Variants in NDFIP2 observed in about 807,000 individuals in gnomAD.
NDFIP2 encodes NEDD4 family-interacting protein 2.
A neutral mutation model predicts 36.0 loss-of-function variants in NDFIP2; 19 were observed. The ratio of observed to expected loss-of-function variants is 0.53; its 90% confidence interval spans 0.37 to 0.77. The LOEUF (loss-of-function observed/expected upper bound fraction) is 0.77, where lower values mean the gene tolerates loss of function less well. Among genes scored for constraint, NDFIP2 ranks in the 30% least tolerant of loss-of-function variants. The pLI is 0.00. For synonymous variants in NDFIP2, 181 were observed against 167.7 expected, an observed-to-expected ratio of 1.08 and a Z score of -0.61; for missense variants, 446 against 435.8, an observed-to-expected ratio of 1.02 and a Z score of -0.21.
Position 79,481,327 on chromosome 13 carries a change from G to T in NDFIP2, c.124G>T (p.Gly42Ter). ...CGCGGAGGTCTCGGCGGCCGCTGCGGGAGCCACAGGAAGTGAAGAGCTTCC... is the reference window on the plus strand; with the variant it reads ...CGCGGAGGTCTCGGCGGCCGCTGCGTGAGCCACAGGAAGTGAAGAGCTTCC... ...TNAEVSAAAA[G>*]ATGSEELPPG... The change falls in exon 1 of 8, where the codon GGA becomes TGA. Residue 42 changes from glycine (G) to a stop codon, truncating the protein, a stop_gained. Transcript: ENST00000218652. LOFTEE classifies it high-confidence loss of function. 3 of 1,545,494 alleles carry T rather than the reference G, an allele frequency of 1.9e-6. No individual in the cohort carries two copies. The highest frequency in any genetic ancestry group is 2.6e-6 in the Non-Finnish European group (3 of 1,146,930).
chr13:79,511,751 G>A (rs1162792139), intron 1 of NDFIP2, among the ~76,000 whole-genome samples: 1 of 152,122 alleles, frequency 6.6e-6, no homozygotes, highest in Admixed American at 6.5e-5. Context: ...GATGAACAAA[G>A]CATATTTCCT....
intron 1 of NDFIP2, among the ~76,000 whole-genome samples, chr13:79,496,078 C>T (rs1400214184): frequency 6.6e-6 from 1 of 151,864 alleles, no homozygotes; most frequent in Non-Finnish European, 1.5e-5. Flanking sequence ...TTTTAAAAAA[C>T]ATAAGAGAAA....
intron 1 of NDFIP2, among the ~76,000 whole-genome samples, chr13:79,518,207 C>T (rs961881942): frequency 1.3e-5 from 2 of 152,194 alleles, no homozygotes; most frequent in Non-Finnish European, 2.9e-5. Context: ...TTAGTGCCTA[C>T]TTGGAAAAGT....
intron 1 of NDFIP2, among the ~76,000 whole-genome samples, chr13:79,487,949 A>G (rs1462093221): frequency 2.9e-4 from 44 of 152,294 alleles, no homozygotes; most frequent in Admixed American, 2.7e-3. Flanking sequence ...AATTGAAAGA[A>G]GGAGGTAGAG....
intron 2 of NDFIP2, among the ~76,000 whole-genome samples, chr13:79,528,211 G>GTGCC (rs1555358077): frequency 6.6e-6 from 1 of 152,048 alleles, no homozygotes; most frequent in Non-Finnish European, 1.5e-5. Flanking sequence ...AGTGAGCTAT[G>GTGCC]TGCCACTGCA....
chr13:79,536,978 G>A lies in NDFIP2; in HGVS notation c.622-2704G>A, dbSNP rs371095794. 4.6e-4 allele frequency among the ~76,000 whole-genome samples: 70 copies of A among 152,160 alleles called. 1 individual carries two copies. The South Asian group carries it at 6.6e-3, about 14-fold the overall frequency. ...AGGAGATTGAGGCTGTAGTGATCCC[G>A]GATGAAGACTGCAGTGAGCCATGAT... On this transcript the variant is annotated intron_variant, in intron 3 of 7. Transcript: ENST00000218652.
chr13:79,527,655 A>G (rs1270222013), intron 2 of NDFIP2, among the ~76,000 whole-genome samples: 5 of 152,344 alleles, frequency 3.3e-5, no homozygotes, highest in South Asian at 4.1e-4. Context: ...AACACATACA[A>G]TTATGTACAG....
intron 3 of NDFIP2, among the ~76,000 whole-genome samples, chr13:79,533,803 A>G (rs1413870308): frequency 6.6e-6 from 1 of 152,196 alleles, no homozygotes; most frequent in Non-Finnish European, 1.5e-5. Context: ...TCTAGTTAAC[A>G]ATAGGCTGTG....
At chr13:79,540,819 A>G (rs186322938) in intron 4 of NDFIP2, among the ~76,000 whole-genome samples, 58 of 152,306 alleles carry the variant, frequency 3.8e-4, no homozygotes, top group Admixed American at 8.5e-4. Flanking sequence ...CAGCTCCTCA[A>G]ATTTACTAAT....
intron 6 of NDFIP2, among the ~76,000 whole-genome samples, chr13:79,548,649 G>A (rs932905709): frequency 1.3e-5 from 2 of 151,932 alleles, no homozygotes; most frequent in Admixed American, 1.3e-4. Context: ...AAATAACAAC[G>A]TGATAAAAAA....
chr13:79,499,706 T>C (rs927661161), intron 1 of NDFIP2, among the ~76,000 whole-genome samples: 1 of 151,772 alleles, frequency 6.6e-6, no homozygotes, highest in Non-Finnish European at 1.5e-5. Flanking sequence ...ACTACAAAAC[T>C]TTGAAAAAAA....
At chr13:79,544,571 A>C (rs1050994385) in intron 5 of NDFIP2, among the ~76,000 whole-genome samples, 1 of 151,888 alleles carries the variant, frequency 6.6e-6, no homozygotes, top group African/African-American at 2.4e-5. Context: ...TCTTTTGAAA[A>C]ATTACCTACA....
chr13:79,516,830 C>A (rs891630209), intron 1 of NDFIP2, among the ~76,000 whole-genome samples: 1 of 152,070 alleles, frequency 6.6e-6, no homozygotes, highest in African/African-American at 2.4e-5. Flanking sequence ...TATCTTGGTT[C>A]TTTTAGAGAA....
At chr13:79,484,632 A>G (rs538456618) in intron 1 of NDFIP2, among the ~76,000 whole-genome samples, 2 of 152,230 alleles carry the variant, frequency 1.3e-5, no homozygotes, top group South Asian at 2.1e-4. Flanking sequence ...TACAATATCA[A>G]TTTTCTATGG....
Position 79,481,418 on chromosome 13 carries a change from G to T in NDFIP2, c.215G>T (p.Gly72Val), listed in dbSNP as rs1342900927. Reference sequence around the variant, plus strand: ...CCTGCGGCGACGACGTCGTCGACGGGGGTGGCCGTGGGAGCTGAGCACGGA... The same window carrying T: ...CCTGCGGCGACGACGTCGTCGACGGTGGTGGCCGTGGGAGCTGAGCACGGA... ...RGPAATTSSTGVAVGAEHGED... is the reference protein window; with the variant it reads ...RGPAATTSSTVVAVGAEHGED... Residue 72 changes from glycine to valine, a missense_variant, in exon 1 of 8, where the codon GGG becomes GTG. By Grantham distance (109) the Gly-to-Val change is moderately radical (BLOSUM62 -3). Coordinates refer to ENST00000218652, the MANE Select transcript of NDFIP2 (RefSeq NM_019080.3). 1.3e-6 allele frequency: 2 copies of T among 1,558,216 alleles called. No individual in the cohort carries two copies. Among genetic ancestry groups the T allele is most frequent in the Non-Finnish European group, 1.7e-6 (2 of 1,150,786 alleles).
chr13:79,496,157 G>T (rs1012804521), intron 1 of NDFIP2, among the ~76,000 whole-genome samples: 1 of 151,790 alleles, frequency 6.6e-6, no homozygotes, highest in East Asian at 1.9e-4. Flanking sequence ...TTGAAGACAC[G>T]TTTCCCTGTA....
chr13:79,533,534 TTC>T, intron 3 of NDFIP2, 78 bp downstream of exon 3: 1 of 1,352,326 alleles, frequency 7.4e-7, no homozygotes, highest in Admixed American at 2.8e-5. Context: ...CTAAAAACAG[TTC>T]TTTGTGTGTA....
At chr13:79,533,700 C>CA (rs1248392517) in intron 3 of NDFIP2, among the ~76,000 whole-genome samples, 1 of 151,478 alleles carries the variant, frequency 6.6e-6, no homozygotes, top group Admixed American at 6.6e-5. Context: ...CTAGAAATAT[C>CA]AAAAAAATTA....
intron 1 of NDFIP2, among the ~76,000 whole-genome samples, chr13:79,483,440 A>G (rs531465496): frequency 6.6e-6 from 1 of 152,264 alleles, no homozygotes; most frequent in East Asian, 1.9e-4. Context: ...TAAACTAGGG[A>G]TCAGTCTTCA....
Sources: allele counts gnomAD v4.1 joint callset (sites outside exome capture counted in the v4.1 genomes callset), GRCh38; gene constraint gnomAD v4.1.1; transcripts MANE v1.5; gene names NCBI Gene and HGNC (gene_info 2026-07-23, HGNC 2026-07-21).